Variants in ACSS3 observed in about 807,000 individuals in gnomAD.
ACSS3 encodes acyl-CoA synthetase short-chain family member 3, mitochondrial.
A neutral mutation model predicts 84.2 loss-of-function variants in ACSS3; 64 were observed. That is an observed-to-expected ratio of 0.76 (90% confidence interval 0.62 to 0.94). The LOEUF is 0.94. Among genes scored for constraint, ACSS3 ranks in the 40% least tolerant of loss-of-function variants. The probability of loss-of-function intolerance (pLI) is 0.00; values close to 1 mark genes in which losing one functional copy is unlikely to be tolerated. For synonymous variants in ACSS3, 317 were observed against 310.1 expected (o/e 1.02, Z -0.23); for missense variants, 815 against 867.6 (o/e 0.94, Z 0.76).
chr12:81,084,357 CAGG>C (rs1881183134), intron 1 of ACSS3, among the ~76,000 whole-genome samples: 2 of 152,052 alleles, frequency 1.3e-5, no homozygotes, highest in South Asian at 4.1e-4. Flanking sequence ...AGGGTAATAG[CAGG>C]AGGTGTAGAA....
chr12:81,207,691 GA>G (rs1278287399), intron 9 of ACSS3, among the ~76,000 whole-genome samples: 1 of 152,122 alleles, frequency 6.6e-6, no homozygotes, highest in Non-Finnish European at 1.5e-5. Context: ...TTACGTTTGA[GA>G]AAATGTAACC....
chr12:81,132,212 G>A (rs995733013), intron 2 of ACSS3, among the ~76,000 whole-genome samples: 1 of 152,018 alleles, frequency 6.6e-6, no homozygotes, highest in Non-Finnish European at 1.5e-5. Context: ...GTACCAGCTC[G>A]TTTTTGTGCC....
At chr12:81,196,648 C>T (rs556557160) in intron 8 of ACSS3, among the ~76,000 whole-genome samples, 22 of 152,016 alleles carry the variant, frequency 1.4e-4, no homozygotes, top group African/African-American at 4.6e-4. Flanking sequence ...AGATGTATTT[C>T]GGCTCATGGG....
intron 7 of ACSS3, among the ~76,000 whole-genome samples, chr12:81,158,933 A>G (rs191604667): frequency 6.6e-6 from 1 of 152,260 alleles, no homozygotes; most frequent in Admixed American, 6.5e-5. Flanking sequence ...GAGTCATCTG[A>G]GTTTGTGTCC....
In ACSS3 at chr12:81,139,185, T is replaced by A. The variant is rs1395512078; in HGVS notation, c.700T>A (p.Tyr234Asn). ...FGIEPGRRVE[Y>N]VPLVEEALKI... The stretch of plus-strand genomic sequence containing the variant: ...CATTGAACCTGGAAGGAGGGTAGAG[T>A]ACGTACCACTTGTAGAAGAAGCGCT... The change falls in exon 4 of 16, where the codon TAC (tyrosine) becomes AAC (asparagine). Residue 234 changes from tyrosine (Y) to asparagine (N), a missense_variant. By Grantham distance (143) the Tyr-to-Asn change is moderately radical. Coordinates refer to ENST00000548058, the MANE Select transcript of ACSS3 (RefSeq NM_024560.4). 1 of 1,613,796 alleles carries A rather than the reference T, an allele frequency of 6.2e-7. No homozygotes were observed. The highest frequency in any genetic ancestry group is 8.5e-7 in the Non-Finnish European group (1 of 1,179,796).
intron 1 of ACSS3, among the ~76,000 whole-genome samples, chr12:81,080,979 A>T (rs1880933409): frequency 6.6e-6 from 1 of 152,174 alleles, no homozygotes; most frequent in African/African-American, 2.4e-5. Flanking sequence ...CTTAAGCAAA[A>T]CAAGGCGAGA....
chr12:81,185,015 A>T (rs2031170679), intron 8 of ACSS3, among the ~76,000 whole-genome samples: 1 of 151,730 alleles, frequency 6.6e-6, no homozygotes, highest in South Asian at 2.1e-4. Context: ...ACAACACATG[A>T]AAAGATTATA....
chr12:81,082,655 G>A (rs1474749142), intron 1 of ACSS3, among the ~76,000 whole-genome samples: 1 of 152,154 alleles, frequency 6.6e-6, no homozygotes, highest in Admixed American at 6.5e-5. Flanking sequence ...GGTCTTTTGA[G>A]TTATGTTAAG....
chr12:81,114,352 A>C (rs908727107), intron 2 of ACSS3, among the ~76,000 whole-genome samples: 3 of 152,170 alleles, frequency 2.0e-5, no homozygotes, highest in African/African-American at 7.2e-5. Context: ...ATGTCCCATG[A>C]GAATTCTTCC....
intron 9 of ACSS3, among the ~76,000 whole-genome samples, chr12:81,206,481 A>AT (rs1180422300): frequency 2.0e-5 from 3 of 151,548 alleles, no homozygotes; most frequent in Non-Finnish European, 3.0e-5. Flanking sequence ...AAATACATTT[A>AT]TTTTTTTTCT....
chr12:81,098,529 T>G (rs913625934), intron 1 of ACSS3, among the ~76,000 whole-genome samples: 1 of 152,182 alleles, frequency 6.6e-6, no homozygotes, highest in South Asian at 2.1e-4. Context: ...ATCCTATTGA[T>G]GATGTTAAAT....
chr12:81,210,430 G>T (rs1436942399), intron 9 of ACSS3, among the ~76,000 whole-genome samples: 2 of 152,118 alleles, frequency 1.3e-5, no homozygotes, highest in Admixed American at 1.3e-4. Flanking sequence ...AGGACATTGA[G>T]AAAGCTTATC....
chr12:81,121,815 A>G (rs1884628705), intron 2 of ACSS3, among the ~76,000 whole-genome samples: 1 of 152,182 alleles, frequency 6.6e-6, no homozygotes, highest in Non-Finnish European at 1.5e-5. Flanking sequence ...CTTTGATTAT[A>G]CAATGTGCCA....
chr12:81,243,192 A>T (rs2033868958), intron 13 of ACSS3, among the ~76,000 whole-genome samples: 1 of 152,222 alleles, frequency 6.6e-6, no homozygotes, highest in African/African-American at 2.4e-5. Context: ...TACAAAAATC[A>T]CAGGCATTCT....
At chr12:81,091,204 G>A (rs1296249574) in intron 1 of ACSS3, among the ~76,000 whole-genome samples, 1 of 151,852 alleles carries the variant, frequency 6.6e-6, no homozygotes, top group Non-Finnish European at 1.5e-5. Flanking sequence ...AGATTCCAAG[G>A]ATCTCAGATT....
intron 9 of ACSS3, among the ~76,000 whole-genome samples, chr12:81,207,697 G>A (rs557210581): frequency 1.3e-5 from 2 of 152,226 alleles, no homozygotes; most frequent in South Asian, 4.1e-4. Context: ...TTGAGAAAAT[G>A]TAACCGTAGA....
chr12:81,125,200 C>A (rs981902517), intron 2 of ACSS3, among the ~76,000 whole-genome samples: 1 of 151,616 alleles, frequency 6.6e-6, no homozygotes, highest in African/African-American at 2.4e-5. Context: ...GGCAGAAGAG[C>A]GAGACTTCGT....
At chr12:81,223,180 G>A (rs1424563503) in intron 11 of ACSS3, among the ~76,000 whole-genome samples, 1 of 151,976 alleles carries the variant, frequency 6.6e-6, no homozygotes, top group Non-Finnish European at 1.5e-5. Flanking sequence ...TCTCTCTGAT[G>A]GACAAACGTT....
intron 7 of ACSS3, among the ~76,000 whole-genome samples, chr12:81,165,071 T>C (rs566364918): frequency 1.1e-4 from 17 of 152,336 alleles, no homozygotes; most frequent in East Asian, 5.8e-4. Flanking sequence ...ATCTTCCCAA[T>C]TGGAAAAGAT....
Sources: allele counts gnomAD v4.1 joint callset (sites outside exome capture counted in the v4.1 genomes callset), GRCh38; gene constraint gnomAD v4.1.1; transcripts MANE v1.5; gene names NCBI Gene and HGNC (gene_info 2026-07-23, HGNC 2026-07-21).